The following PCSK6 variants were observed in gnomAD, a reference collection of about 807,000 sequenced individuals.
PCSK6 encodes the protein paired basic amino acid cleaving enzyme 4.
PCSK6 carries 85 observed loss-of-function variants against 123.3 expected under a neutral mutation model. The ratio of observed to expected loss-of-function variants is 0.69; its 90% CI spans 0.58 to 0.83. The LOEUF (loss-of-function observed/expected upper bound fraction) is 0.83, where lower values mean the gene tolerates loss of function less well. Among genes scored for constraint, PCSK6 ranks in the 40% least tolerant of loss-of-function variants. The probability of loss-of-function intolerance (pLI) is 0.00; values close to 1 mark genes in which losing one functional copy is unlikely to be tolerated. For missense variants in PCSK6, 1,191 were observed against 1,282.3 expected, an observed-to-expected ratio of 0.93 and a Z score of 1.09; for synonymous variants, 508 against 516.0, an observed-to-expected ratio of 0.98 and a Z score of 0.21.
chr15:101,378,611 C>T (rs776999334), intron 11 of PCSK6, among the ~76,000 whole-genome samples: 30 of 152,222 alleles, frequency 2.0e-4, no homozygotes, highest in Non-Finnish European at 3.4e-4. Context: ...GACTGCCCAG[C>T]ACGATCCCGT....
intron 6 of PCSK6, among the ~76,000 whole-genome samples, chr15:101,405,271 G>T (rs2042735992): frequency 6.6e-6 from 1 of 152,238 alleles, no homozygotes; most frequent in African/African-American, 2.4e-5. Context: ...TGGGCAAATT[G>T]TTTTGATGGC....
At chr15:101,412,233 T>C (rs1275438607) in intron 6 of PCSK6, among the ~76,000 whole-genome samples, 1 of 152,160 alleles carries the variant, frequency 6.6e-6, no homozygotes, top group Non-Finnish European at 1.5e-5. Context: ...TATAGCCTCA[T>C]AACATAATGC....
At chr15:101,315,951 G>A (rs1187604780) in intron 19 of PCSK6, among the ~76,000 whole-genome samples, 13 of 152,238 alleles carry the variant, frequency 8.5e-5, no homozygotes, top group Non-Finnish European at 5.9e-5. Context: ...AGCCAAGGGT[G>A]GGGACAGATT....
At chr15:101,380,497 G>T (rs1267618742) in intron 11 of PCSK6, among the ~76,000 whole-genome samples, 2 of 152,310 alleles carry the variant, frequency 1.3e-5, no homozygotes, top group African/African-American at 4.8e-5. Flanking sequence ...CTCCCACGTT[G>T]TTTCAAATTT....
intron 11 of PCSK6, among the ~76,000 whole-genome samples, chr15:101,380,465 A>G (rs1001155832): frequency 2.0e-5 from 3 of 152,114 alleles, no homozygotes; most frequent in Non-Finnish European, 2.9e-5. Context: ...GAGAAGGCAA[A>G]ACCTCCTTTA....
At chr15:101,364,105 T>G (rs1449593067) in intron 13 of PCSK6, among the ~76,000 whole-genome samples, 1 of 152,164 alleles carries the variant, frequency 6.6e-6, no homozygotes, top group African/African-American at 2.4e-5. Flanking sequence ...ATGGAATGGT[T>G]TTTTTAATTT....
intron 1 of PCSK6, among the ~76,000 whole-genome samples, chr15:101,476,466 C>T (rs958055971): frequency 5.4e-5 from 8 of 149,296 alleles, no homozygotes; most frequent in Non-Finnish European, 1.0e-4. Context: ...TCTCTATGTA[C>T]GAGCATGGGA....
chr15:101,321,746 GA>G, intron 18 of PCSK6, among the ~76,000 whole-genome samples: 1 of 152,368 alleles, frequency 6.6e-6, no homozygotes, highest in Admixed American at 6.5e-5. Flanking sequence ...CCAGCCTGCG[GA>G]AATGCAGAGT....
At chr15:101,347,796 A>C (rs773320179) in intron 13 of PCSK6, 44 of 1,600,138 alleles carry the variant, frequency 2.7e-5, no homozygotes, top group Non-Finnish European at 3.3e-5. Flanking sequence ...CAAGGGACTG[A>C]AGTGAAGCCC....
chr15:101,372,587 C>G (rs777340374), intron 11 of PCSK6, among the ~76,000 whole-genome samples: 8 of 152,170 alleles, frequency 5.3e-5, no homozygotes, highest in Non-Finnish European at 1.0e-4. Context: ...CCAGGACCTG[C>G]AGGGCCCATG....
At chr15:101,345,930 A>G (rs1596208655) in intron 13 of PCSK6, among the ~76,000 whole-genome samples, 2 of 152,354 alleles carry the variant, frequency 1.3e-5, no homozygotes, top group African/African-American at 4.8e-5. Context: ...GGCCTCCCAA[A>G]GTGCTGGGAT....
chr15:101,441,808 A>G (rs1596336635), intron 2 of PCSK6, among the ~76,000 whole-genome samples: 1 of 152,202 alleles, frequency 6.6e-6, no homozygotes, highest in Admixed American at 6.5e-5. Flanking sequence ...CAACAACTCA[A>G]AAGACTTCAG....
At chr15:101,358,196 G>A (rs1019923448) in intron 13 of PCSK6, among the ~76,000 whole-genome samples, 1 of 152,208 alleles carries the variant, frequency 6.6e-6, no homozygotes, top group South Asian at 2.1e-4. Flanking sequence ...GGCGGAGTAA[G>A]GCAGGTCATA....
At chr15:101,382,911 C>T (rs537261353) in intron 10 of PCSK6, among the ~76,000 whole-genome samples, 1 of 152,304 alleles carries the variant, frequency 6.6e-6, no homozygotes, top group Non-Finnish European at 1.5e-5. Flanking sequence ...CAAAGATGAA[C>T]TAGCCCAATC....
intron 15 of PCSK6, 28 bp downstream of exon 15, chr15:101,331,623 A>C (rs1399035155): frequency 6.2e-7 from 1 of 1,610,040 alleles, no homozygotes; most frequent in Non-Finnish European, 8.5e-7. Context: ...AAGGTTGGAA[A>C]ATACTTACTG....
chr15:101,486,114 T>A (rs2058016299), intron 1 of PCSK6, among the ~76,000 whole-genome samples: 1 of 151,894 alleles, frequency 6.6e-6, no homozygotes, highest in African/African-American at 2.4e-5. Context: ...CCGGCATGTG[T>A]CACCAAGCCC....
At chr15:101,343,544 A>G (rs1028784924) in intron 13 of PCSK6, among the ~76,000 whole-genome samples, 4 of 152,122 alleles carry the variant, frequency 2.6e-5, no homozygotes, top group Admixed American at 2.6e-4. Flanking sequence ...TAGTATTTTT[A>G]TTATCATCCA....
intron 1 of PCSK6, among the ~76,000 whole-genome samples, chr15:101,446,746 G>C (rs1019913057): frequency 1.4e-4 from 21 of 152,142 alleles, no homozygotes; most frequent in African/African-American, 4.6e-4. Flanking sequence ...GTCAAGCAAG[G>C]GTTCTCTAGG....
chr15:101,481,990 G>A (rs1218716564), intron 1 of PCSK6, among the ~76,000 whole-genome samples: 11 of 152,308 alleles, frequency 7.2e-5, no homozygotes, highest in East Asian at 1.9e-4. Flanking sequence ...GAGTCTGTGC[G>A]CGTTCACGCA....
Sources: gnomAD v4.1 joint callset for allele counts (sites outside exome capture counted in the v4.1 genomes callset) on GRCh38, gnomAD v4.1.1 for gene constraint, MANE v1.5 for transcripts, NCBI Gene and HGNC (gene_info 2026-07-23, HGNC 2026-07-21) for gene names.